Variants in MNAT1 observed in about 807,000 individuals in gnomAD.
MNAT1 encodes the protein MNAT1 component of CDK activating kinase.
In MNAT1, 43 loss-of-function variants were observed where a neutral mutation model predicts 42.0. The observed-to-expected ratio is 1.02, with a 90% CI of 0.80 to 1.32. MNAT1 has a LOEUF of 1.32. MNAT1 is among the 40% of genes most tolerant of loss of function. The pLI is 0.00. For synonymous variants in MNAT1, 118 were observed against 120.0 expected (o/e 0.98, Z 0.11); for missense variants, 306 against 350.4 (o/e 0.87, Z 1.01).
At position 60,845,100 on chromosome 14, in the gene MNAT1, T is replaced by A. The variant is rs8021571; in HGVS notation, c.687+26253T>A. On this transcript the variant is annotated intron_variant, in intron 6 of 7. Coordinates refer to ENST00000261245, the MANE Select transcript of MNAT1 (RefSeq NM_002431.4). The stretch of plus-strand genomic sequence containing the variant: ...TAGCTTTGGAGTAATATAATGTTTT[T>A]ATCAGTAATGCTAGCAATGGTTTTG... Among the ~76,000 whole-genome samples, 712 of 152,124 alleles carry A rather than the reference T, an allele frequency of 4.7e-3. 5 individuals are homozygous for A. The highest frequency in any genetic ancestry group is 0.016 in the African/African-American group (681 of 41,548).
intron 7 of MNAT1, among the ~76,000 whole-genome samples, chr14:60,960,282 C>G (rs1406852930): frequency 6.6e-6 from 1 of 152,152 alleles, no homozygotes; most frequent in Non-Finnish European, 1.5e-5. Context: ...TTGGGGATAG[C>G]AGGGGATAGC....
rs186984716 is a variant in MNAT1, at chr14:60,846,002, T to G, written c.687+27155T>G. On this transcript the variant is annotated intron_variant, in intron 6 of 7. Coordinates refer to ENST00000261245, the MANE Select transcript of MNAT1 (RefSeq NM_002431.4). ...GAATTTACCAGTGAACCATCTGGTT[T>G]TGGCTTTTATTAATGAGAGGATTTC... Among the ~76,000 whole-genome samples the G allele has an allele frequency of 2.0e-4, 31 of 152,274 alleles. No individual in the cohort carries two copies. In the East Asian group the frequency reaches 5.8e-3, roughly 28 times the overall value.
At chr14:60,891,701 C>A (rs2034848806) in intron 7 of MNAT1, among the ~76,000 whole-genome samples, 1 of 152,166 alleles carries the variant, frequency 6.6e-6, no homozygotes. Flanking sequence ...GATCTGCCCA[C>A]CTTGGCCTCC....
intron 7 of MNAT1, 72 bp from the exon 8 acceptor site, chr14:60,968,157 T>G: frequency 8.9e-7 from 1 of 1,126,294 alleles, no homozygotes; most frequent in Non-Finnish European, 1.3e-6. Flanking sequence ...TCAGTTTTAC[T>G]ATTGCTTTTT....
chr14:60,751,946 T>C (rs564217282), intron 1 of MNAT1, among the ~76,000 whole-genome samples: 11 of 152,284 alleles, frequency 7.2e-5, no homozygotes, highest in African/African-American at 2.2e-4. Context: ...TAATTTCAGG[T>C]AACTGAAGCA....
At chr14:60,912,975 C>G (rs905297329) in intron 7 of MNAT1, among the ~76,000 whole-genome samples, 3 of 152,164 alleles carry the variant, frequency 2.0e-5, no homozygotes, top group Non-Finnish European at 4.4e-5. Context: ...ATTAGATGTA[C>G]ATTTGGTCTT....
At chr14:60,825,709 CATTT>C (rs2033036337) in intron 6 of MNAT1, among the ~76,000 whole-genome samples, 1 of 152,172 alleles carries the variant, frequency 6.6e-6, no homozygotes, top group Non-Finnish European at 1.5e-5. Context: ...TATTACATCT[CATTT>C]AATTAATGAA....
At chr14:60,822,939 T>C (rs2032941418) in intron 6 of MNAT1, among the ~76,000 whole-genome samples, 1 of 152,032 alleles carries the variant, frequency 6.6e-6, no homozygotes, top group Admixed American at 6.6e-5. Flanking sequence ...GTAATTTTGG[T>C]AGCAATGGGG....
At chr14:60,949,639 A>G (rs781738221) in intron 7 of MNAT1, among the ~76,000 whole-genome samples, 1 of 152,304 alleles carries the variant, frequency 6.6e-6, no homozygotes, top group African/African-American at 2.4e-5. Context: ...ATAAGAGGAA[A>G]ATATTTTCTT....
chr14:60,910,257 A>T (rs1277121023), intron 7 of MNAT1, among the ~76,000 whole-genome samples: 4 of 152,236 alleles, frequency 2.6e-5, no homozygotes, highest in African/African-American at 7.2e-5. Context: ...ATATACAATC[A>T]TGTCATCTGC....
chr14:60,749,158 A>G (rs2029961926), intron 1 of MNAT1, among the ~76,000 whole-genome samples: 1 of 152,214 alleles, frequency 6.6e-6, no homozygotes, highest in African/African-American at 2.4e-5. Context: ...AAATCTATCC[A>G]GATTTGTACC....
intron 6 of MNAT1, among the ~76,000 whole-genome samples, chr14:60,844,532 T>A (rs1020218790): frequency 5.3e-5 from 8 of 152,140 alleles, no homozygotes; most frequent in Non-Finnish European, 8.8e-5. Flanking sequence ...CTGGTATGTA[T>A]ATTTTTACAT....
At chr14:60,874,376 T>C (rs2034391771) in intron 6 of MNAT1, among the ~76,000 whole-genome samples, 1 of 152,200 alleles carries the variant, frequency 6.6e-6, no homozygotes. Flanking sequence ...CATACTGCTC[T>C]GGTAATATCG....
chr14:60,965,565 T>C (rs1474171692), intron 7 of MNAT1, among the ~76,000 whole-genome samples: 2 of 152,240 alleles, frequency 1.3e-5, no homozygotes, highest in Non-Finnish European at 2.9e-5. Context: ...AAGCCAGATA[T>C]GGTATGACTC....
At chr14:60,890,004 G>A (rs1282212297) in intron 7 of MNAT1, among the ~76,000 whole-genome samples, 2 of 152,192 alleles carry the variant, frequency 1.3e-5, no homozygotes, top group African/African-American at 4.8e-5. Flanking sequence ...CTGTTGGTGG[G>A]ACTGTAAACC....
At chr14:60,923,415 T>G (rs1386964428) in intron 7 of MNAT1, among the ~76,000 whole-genome samples, 4 of 152,368 alleles carry the variant, frequency 2.6e-5, no homozygotes, top group Admixed American at 2.6e-4. Context: ...ATTTTTGTTA[T>G]TATACATATT....
intron 7 of MNAT1, among the ~76,000 whole-genome samples, chr14:60,953,596 A>C (rs751183916): frequency 5.9e-5 from 9 of 152,210 alleles, no homozygotes; most frequent in Non-Finnish European, 1.3e-4. Context: ...CTTACACATA[A>C]TTGAATGTAC....
intron 7 of MNAT1, among the ~76,000 whole-genome samples, chr14:60,940,632 T>C (rs1185787677): frequency 6.6e-6 from 1 of 152,176 alleles, no homozygotes; most frequent in Non-Finnish European, 1.5e-5. Context: ...TTAGCCTGGA[T>C]GGTCTCAATC....
At chr14:60,780,790 A>C (rs1026696237) in intron 1 of MNAT1, among the ~76,000 whole-genome samples, 6 of 151,998 alleles carry the variant, frequency 3.9e-5, no homozygotes, top group Admixed American at 3.9e-4. Context: ...AGTTAACATC[A>C]TGAATTTATT....
Sources: allele counts gnomAD v4.1 joint callset (sites outside exome capture counted in the v4.1 genomes callset), GRCh38; gene constraint gnomAD v4.1.1; transcripts MANE v1.5; gene names NCBI Gene and HGNC (gene_info 2026-07-23, HGNC 2026-07-21).